POT1: variants seen among roughly 807,000 people sequenced by gnomAD.
POT1 encodes protection of telomeres protein 1.
POT1 carries 47 observed loss-of-function variants against 78.5 expected under a neutral mutation model. The ratio of observed to expected loss-of-function variants is 0.60; its 90% CI spans 0.47 to 0.76. The LOEUF (loss-of-function observed/expected upper bound fraction) is 0.76. Among genes scored for constraint, POT1 ranks in the 30% least tolerant of loss-of-function variants. The probability of loss-of-function intolerance (pLI) is 0.00; values close to 1 mark genes in which losing one functional copy is unlikely to be tolerated. For synonymous variants in POT1, 259 were observed against 260.7 expected (o/e 0.99, Z 0.06); for missense variants, 646 against 749.9 (o/e 0.86, Z 1.62).
intron 6 of POT1, among the ~76,000 whole-genome samples, chr7:124,884,054 C>A (rs1021081780): frequency 6.6e-6 from 1 of 151,822 alleles, no homozygotes; most frequent in Non-Finnish European, 1.5e-5. Context: ...AAAATTAAAA[C>A]GCAAAATATA....
At chr7:124,871,731 ATTTT>A (rs5887205) in intron 6 of POT1, among the ~76,000 whole-genome samples, 3 of 144,962 alleles carry the variant, frequency 2.1e-5, no homozygotes, top group East Asian at 2.0e-4. Flanking sequence ...CTGCCTTAAA[ATTTT>A]TTTTTTTTTT....
chr7:124,904,643 C>A (rs184840857), intron 3 of POT1, among the ~76,000 whole-genome samples: 3,058 of 138,564 alleles, frequency 0.022, 96 homozygotes, highest in African/African-American at 0.075. Context: ...AAGTTCTGGC[C>A]AGGGCAATCA....
intron 6 of POT1, among the ~76,000 whole-genome samples, chr7:124,881,806 A>G (rs549529422): frequency 1.3e-3 from 196 of 152,140 alleles, no homozygotes; most frequent in African/African-American, 4.6e-3. Flanking sequence ...ATTAACAGGG[A>G]AAGTGGAAAG....
chr7:124,852,053 A>T, intron 10 of POT1, 102 bp from the exon 11 acceptor site: 1 of 791,046 alleles, frequency 1.3e-6, no homozygotes, highest in South Asian at 1.7e-5. Flanking sequence ...ATTGTATATA[A>T]AATTTTGTAT....
At chr7:124,885,416 G>A (rs1377081960) in intron 6 of POT1, among the ~76,000 whole-genome samples, 2 of 151,918 alleles carry the variant, frequency 1.3e-5, no homozygotes, top group South Asian at 4.1e-4. Flanking sequence ...AGGCTGAGGT[G>A]AGCTATGATC....
At chr7:124,896,352 A>C (rs944678181) in intron 5 of POT1, among the ~76,000 whole-genome samples, 1 of 151,750 alleles carries the variant, frequency 6.6e-6, no homozygotes, top group African/African-American at 2.4e-5. Context: ...TAAATTAAAC[A>C]ATTTATAACA....
chr7:124,867,774 G>C (rs1022992909), intron 7 of POT1, among the ~76,000 whole-genome samples: 3 of 151,896 alleles, frequency 2.0e-5, no homozygotes, highest in African/African-American at 7.3e-5. Context: ...AGCCTCTTGA[G>C]TAAGCTGTGA....
In POT1 at chr7:124,835,879, T is replaced by G. The variant is rs191232447; in HGVS notation, c.1370-465A>C. Among the ~76,000 whole-genome samples, 899 of 152,336 alleles carry G rather than the reference T, an allele frequency of 5.9e-3. 4 individuals are homozygous for G. Among genetic ancestry groups the G allele is most frequent in the Non-Finnish European group, 9.5e-3 (647 of 68,016 alleles). ...GTAATATGAATTCACATATAAAATT[T>G]GTTCATTTTTCCTGGGAAAATTATC... On this transcript the variant is annotated intron_variant, in intron 14 of 18. Coordinates refer to ENST00000357628, the MANE Select transcript of POT1 (RefSeq NM_015450.3).
Position 124,876,863 on chromosome 7 carries a change from G to T in POT1, c.125-5822C>A, listed in dbSNP as rs546559026. 2.0e-5 allele frequency among the ~76,000 whole-genome samples: 3 copies of T among 152,244 alleles called. No homozygotes were observed. In the South Asian group the frequency reaches 6.2e-4, roughly 32 times the overall value. ...TCTACTCTACATAGACTTTGTTTCT[G>T]TTAAATTCTGTACCCCAGGCAAAAA... On this transcript the variant is annotated intron_variant, in intron 6 of 18. Coordinates refer to ENST00000357628, the MANE Select transcript of POT1 (RefSeq NM_015450.3).
At chr7:124,929,067 AG>A (rs1797344271) in intron 1 of POT1, 68 bp from the exon 2 acceptor site, 1 of 152,482 alleles carries the variant, frequency 6.6e-6, no homozygotes, top group Admixed American at 6.5e-5. Flanking sequence ...TCTTTGACTT[AG>A]TTATGCTTTT....
At chr7:124,882,179 C>A (rs887135358) in intron 6 of POT1, among the ~76,000 whole-genome samples, 1 of 151,966 alleles carries the variant, frequency 6.6e-6, no homozygotes, top group African/African-American at 2.4e-5. Flanking sequence ...GCATAAATTA[C>A]ACAATCCAGA....
chr7:124,886,854 C>T (rs1796253980), intron 6 of POT1, among the ~76,000 whole-genome samples: 1 of 151,944 alleles, frequency 6.6e-6, no homozygotes, highest in South Asian at 2.1e-4. Context: ...ATGTTGTCAT[C>T]AATGTTTTAA....
In POT1 at chr7:124,825,376, G is replaced by C. The variant is rs759093868; in HGVS notation, c.1687-19C>G. On this transcript the variant is annotated intron_variant, in intron 17 of 18. Transcript: ENST00000357628. ...ATTTGTCCTTAAAAATGTTTCATGAGAGAAAAAAAAAGGAAATAATATTAA... is the reference window on the plus strand; with the variant it reads ...ATTTGTCCTTAAAAATGTTTCATGACAGAAAAAAAAAGGAAATAATATTAA... The C allele has an allele frequency of 1.9e-5, 28 of 1,465,830 alleles. No homozygotes were observed. The highest frequency in any genetic ancestry group is 3.7e-6 in the Non-Finnish European group (4 of 1,071,522). 90.8% of individuals were successfully genotyped at this position (1,465,830 alleles called of 1,614,324 possible). A position where few individuals can be genotyped will look rare whatever the true frequency, so the allele number is the denominator to read the frequency against.
chr7:124,837,135 A>G, intron 14 of POT1: 1 of 239,322 alleles, frequency 4.2e-6, no homozygotes, highest in Non-Finnish European at 8.5e-6. Flanking sequence ...TTAAGTCTTT[A>G]ACCTTGAGTA....
chr7:124,877,330 A>G (rs1796011916), intron 6 of POT1, among the ~76,000 whole-genome samples: 1 of 152,324 alleles, frequency 6.6e-6, no homozygotes, highest in East Asian at 1.9e-4. Context: ...ACATTTCCAG[A>G]TTTTGGCCAA....
rs759178052 is a variant in POT1 at position 124,851,942 on chromosome 7, T to C, written c.879A>G (p.Glu293=). The C allele has an allele frequency of 1.5e-5, 24 of 1,604,680 alleles. No homozygotes were observed. The highest frequency in any genetic ancestry group is 1.9e-5 in the Non-Finnish European group (22 of 1,172,026). ...SDVDQLKKDL[E]SANLTANQHS... ...GCTGATTGGCTGTCAAATTTGCAGA[T>C]TCTAAATCCCTATAATTGAAAGAAT... The change falls in exon 11 of 19, where the codon GAA becomes GAG. Residue 293 remains glutamate, a synonymous_variant. Transcript: ENST00000357628.
At chr7:124,912,604 C>A (rs1796913445) in intron 3 of POT1, among the ~76,000 whole-genome samples, 1 of 151,968 alleles carries the variant, frequency 6.6e-6, no homozygotes, top group Admixed American at 6.6e-5. Context: ...GTCTTTCTTC[C>A]CTAGAACGTA....
chr7:124,907,020 T>C (rs1217062399), intron 3 of POT1, among the ~76,000 whole-genome samples: 1 of 152,102 alleles, frequency 6.6e-6, no homozygotes, highest in Non-Finnish European at 1.5e-5. Flanking sequence ...CCTAGATCTG[T>C]GCCAAGAGTA....
intron 6 of POT1, among the ~76,000 whole-genome samples, chr7:124,884,594 G>C (rs985146551): frequency 2.7e-5 from 4 of 149,722 alleles, no homozygotes; most frequent in Non-Finnish European, 5.9e-5. Context: ...CAAAAAGGAT[G>C]AGAGATCTCT....
Sources: allele counts gnomAD v4.1 joint callset (sites outside exome capture counted in the v4.1 genomes callset), GRCh38; gene constraint gnomAD v4.1.1; transcripts MANE v1.5; gene names NCBI Gene and HGNC (gene_info 2026-07-23, HGNC 2026-07-21).